Variants in EDIL3 observed in about 807,000 individuals in gnomAD.
EDIL3 encodes EGF-like repeat and discoidin I-like domain-containing protein 3.
Under a neutral mutation model 67.4 loss-of-function variants are expected in EDIL3, and 37 were observed. The ratio of observed to expected loss-of-function variants is 0.55; its 90% CI spans 0.42 to 0.72. EDIL3 has a LOEUF of 0.72. Among genes scored for constraint, EDIL3 ranks in the 30% least tolerant of loss-of-function variants. The probability of loss-of-function intolerance (pLI) is 0.00; values close to 1 mark genes in which losing one functional copy is unlikely to be tolerated. For missense variants in EDIL3, 527 were observed against 586.3 expected (o/e 0.90, Z 1.04); for synonymous variants, 195 against 196.3 (o/e 0.99, Z 0.05).
chr5:84,213,397 GA>G (rs1027461104), intron 3 of EDIL3, among the ~76,000 whole-genome samples: 1 of 152,132 alleles, frequency 6.6e-6, no homozygotes. Context: ...ACTAAATTAT[GA>G]AATGAAATAG....
At chr5:84,308,878 C>G (rs1746324883) in intron 1 of EDIL3, among the ~76,000 whole-genome samples, 1 of 152,142 alleles carries the variant, frequency 6.6e-6, no homozygotes, top group Non-Finnish European at 1.5e-5. Context: ...AGATTTAATG[C>G]AACCTTATGA....
In EDIL3 at chr5:84,347,217, T is replaced by C. The variant is rs150426141; in HGVS notation, c.67+37091A>G. Among the ~76,000 whole-genome samples, 423 of 152,312 alleles carry C rather than the reference T, an allele frequency of 2.8e-3. 6 individuals carry two copies. Among genetic ancestry groups the C allele is most frequent in the Admixed American group, 0.025 (379 of 15,296 alleles). On this transcript the variant is annotated intron_variant, in intron 1 of 10. Transcript: ENST00000296591. ...ATGAATAAAAGGAAAACAGTAAGACTGTAAAGCTATTCACATCTCATCAAA... is the reference window on the plus strand; with the variant it reads ...ATGAATAAAAGGAAAACAGTAAGACCGTAAAGCTATTCACATCTCATCAAA...
intron 1 of EDIL3, among the ~76,000 whole-genome samples, chr5:84,381,038 G>A (rs1214743933): frequency 6.6e-6 from 1 of 151,956 alleles, no homozygotes; most frequent in Non-Finnish European, 1.5e-5. Context: ...ATTTAGAAAA[G>A]TATTCAGAAA....
intron 3 of EDIL3, among the ~76,000 whole-genome samples, chr5:84,199,022 G>T (rs1369975540): frequency 6.6e-6 from 1 of 152,012 alleles, no homozygotes; most frequent in South Asian, 2.1e-4. Context: ...AGGAGACTTT[G>T]TTCTAGTGGG....
At chr5:84,382,853 G>T (rs1353588338) in intron 1 of EDIL3, among the ~76,000 whole-genome samples, 2 of 151,972 alleles carry the variant, frequency 1.3e-5, no homozygotes, top group South Asian at 2.1e-4. Flanking sequence ...ACGCCTACAC[G>T]CTGGGGGAAA....
Position 83,980,884 on chromosome 5 carries a change from C to G in EDIL3, c.1138-17524G>C, listed in dbSNP as rs116222615. On this transcript the variant is annotated intron_variant, in intron 9 of 10. Transcript: ENST00000296591. ...TAAAAATGAAATTAAGAAAACAATT[C>G]TACTTACAGTACCACTAAAAAGAAT... Among the ~76,000 whole-genome samples, 1,148 of 151,638 alleles carry G rather than the reference C, an allele frequency of 7.6e-3. 12 individuals are homozygous for G. The highest frequency in any genetic ancestry group is 0.027 in the African/African-American group (1,104 of 41,420).
intron 10 of EDIL3, among the ~76,000 whole-genome samples, chr5:83,953,070 T>C (rs1446581947): frequency 6.6e-6 from 1 of 151,784 alleles, no homozygotes; most frequent in East Asian, 2.0e-4. Context: ...TAAGCATGTA[T>C]TGCCTAGGCA....
chr5:84,060,333 G>C lies in EDIL3; in HGVS notation c.1104C>G (p.Thr368=). 1 of 1,613,804 alleles carries C rather than the reference G, an allele frequency of 6.2e-7. No individual in the cohort carries two copies. The highest frequency in any genetic ancestry group is 8.5e-7 in the Non-Finnish European group (1 of 1,179,804). The change falls in exon 9 of 11, where the codon ACC becomes ACG. Residue 368 remains threonine (T), a synonymous_variant. Transcript: ENST00000296591. ...LDKQGKVNAW[T]SGHNDQSQWL... is the part of the protein sequence containing the mutation. ...ATTGTGACTGGTCATTGTGGCCAGA[G>C]GTCCAGGCATTCACTTTGCCTTGCT...
At chr5:84,282,654 A>G (rs1218969750) in intron 1 of EDIL3, among the ~76,000 whole-genome samples, 1 of 152,206 alleles carries the variant, frequency 6.6e-6, no homozygotes, top group Non-Finnish European at 1.5e-5. Context: ...ATGTGTATTT[A>G]CTAAACTATT....
intron 4 of EDIL3, among the ~76,000 whole-genome samples, chr5:84,159,004 T>C (rs1005188746): frequency 2.6e-5 from 4 of 152,028 alleles, no homozygotes; most frequent in African/African-American, 7.2e-5. Flanking sequence ...GTGGTGCCTA[T>C]AACAAAGGAA....
At chr5:84,308,238 T>G (rs1746311365) in intron 1 of EDIL3, among the ~76,000 whole-genome samples, 1 of 152,094 alleles carries the variant, frequency 6.6e-6, no homozygotes, top group Admixed American at 6.5e-5. Flanking sequence ...TACAAATAAA[T>G]TATCCAGTTT....
intron 1 of EDIL3, among the ~76,000 whole-genome samples, chr5:84,286,695 A>G (rs1745813113): frequency 6.6e-6 from 1 of 152,204 alleles, no homozygotes; most frequent in Admixed American, 6.6e-5. Context: ...AATAAATAGA[A>G]TAATGCAGGG....
intron 1 of EDIL3, among the ~76,000 whole-genome samples, chr5:84,340,541 T>C (rs1747087551): frequency 4.1e-5 from 2 of 48,482 alleles, no homozygotes; most frequent in African/African-American, 1.2e-4. Context: ...TCTCTATATA[T>C]ATATATATAT....
At chr5:84,212,032 CCT>C (rs200621372) in intron 3 of EDIL3, among the ~76,000 whole-genome samples, 2 of 151,530 alleles carry the variant, frequency 1.3e-5, no homozygotes, top group African/African-American at 4.8e-5. Context: ...TCTCTCCCTT[CCT>C]CTCTCTCTCT....
At position 84,055,253 on chromosome 5, in the gene EDIL3, C is replaced by T. The variant is rs1746421916; in HGVS notation, c.1137+5047G>A. 2.7e-5 allele frequency among the ~76,000 whole-genome samples: 4 copies of T among 146,474 alleles called. 1 individual carries two copies. Among genetic ancestry groups the T allele is most frequent in the South Asian group, 4.4e-4 (2 of 4,560 alleles). Reference sequence around the variant, plus strand: ...AATGGTGCTGGGAAAACTGGCTAGCCATATGTAGAAAGCTGAAACTGGATC... The same window carrying T: ...AATGGTGCTGGGAAAACTGGCTAGCTATATGTAGAAAGCTGAAACTGGATC... On this transcript the variant is annotated intron_variant, in intron 9 of 10. Coordinates refer to ENST00000296591, the MANE Select transcript of EDIL3 (RefSeq NM_005711.5).
intron 1 of EDIL3, among the ~76,000 whole-genome samples, chr5:84,277,011 C>A (rs954214593): frequency 2.6e-5 from 4 of 152,140 alleles, no homozygotes; most frequent in Non-Finnish European, 5.9e-5. Context: ...ATAATCACTA[C>A]ATTGTTATTC....
At chr5:84,119,988 G>A (rs939280473) in intron 5 of EDIL3, among the ~76,000 whole-genome samples, 2 of 151,598 alleles carry the variant, frequency 1.3e-5, no homozygotes, top group Non-Finnish European at 2.9e-5. Flanking sequence ...GATGTCTTGG[G>A]AAAAAAATTC....
At chr5:84,360,445 G>A (rs1008697111) in intron 1 of EDIL3, among the ~76,000 whole-genome samples, 2 of 152,100 alleles carry the variant, frequency 1.3e-5, no homozygotes, top group East Asian at 3.9e-4. Flanking sequence ...CAAATTAAAG[G>A]CCAAGGTGTT....
chr5:84,161,860 G>C (rs531220239), intron 4 of EDIL3, among the ~76,000 whole-genome samples: 1 of 152,144 alleles, frequency 6.6e-6, no homozygotes, highest in East Asian at 1.9e-4. Context: ...TAAAACATTT[G>C]TCACCTATCT....
Sources: allele counts gnomAD v4.1 joint callset (sites outside exome capture counted in the v4.1 genomes callset), GRCh38; gene constraint gnomAD v4.1.1; transcripts MANE v1.5; gene names NCBI Gene and HGNC (gene_info 2026-07-23, HGNC 2026-07-21).